Variants in CSGALNACT1 observed in about 807,000 individuals in gnomAD.
CSGALNACT1 encodes the protein chondroitin sulfate N-acetylgalactosaminyltransferase 1, also known as beta4GalNAcT-1.
A neutral mutation model predicts 51.0 loss-of-function variants in CSGALNACT1; 52 were observed. The observed-to-expected ratio is 1.02, with a 90% CI of 0.82 to 1.29. The LOEUF (loss-of-function observed/expected upper bound fraction) is 1.29. Among genes scored for constraint, CSGALNACT1 ranks in the 50% most tolerant of loss-of-function variants. CSGALNACT1 has a pLI of 0.00. For missense variants in CSGALNACT1, 935 were observed against 679.2 expected (o/e 1.38, Z -4.19); for synonymous variants, 341 against 254.4 (o/e 1.34, Z -3.24).
chr8:19,573,645 T>C (rs1799491226), intron 3 of CSGALNACT1, among the ~76,000 whole-genome samples: 1 of 152,174 alleles, frequency 6.6e-6, no homozygotes, highest in Admixed American at 6.5e-5. Flanking sequence ...GGTTTCACCA[T>C]GTTGGCCAGG....
intron 3 of CSGALNACT1, 95 bp from the exon 3 acceptor site, chr8:19,506,225 A>T: frequency 2.4e-6 from 1 of 413,132 alleles, no homozygotes; most frequent in Non-Finnish European, 4.7e-6. Flanking sequence ...CTCCTGTGAG[A>T]GTTATGGCAA....
intron 1 of CSGALNACT1, among the ~76,000 whole-genome samples, chr8:19,641,631 C>T (rs891689701): frequency 2.0e-5 from 3 of 152,026 alleles, no homozygotes; most frequent in East Asian, 3.8e-4. Flanking sequence ...TATTGAAATA[C>T]GAGGGTGAAA....
chr8:19,462,936 AG>A (rs2065870057), intron 4 of CSGALNACT1, among the ~76,000 whole-genome samples: 1 of 152,192 alleles, frequency 6.6e-6, no homozygotes, highest in Non-Finnish European at 1.5e-5. Context: ...CATAGAGCAT[AG>A]TACCCAATAG....
At chr8:19,407,360 G>A (rs1306652867) in intron 9 of CSGALNACT1, among the ~76,000 whole-genome samples, 2 of 152,112 alleles carry the variant, frequency 1.3e-5, no homozygotes, top group Non-Finnish European at 2.9e-5. Context: ...AGCGAGACCA[G>A]CAGCTCGTGG....
At chr8:19,482,641 C>T (rs2071741035) in intron 4 of CSGALNACT1, among the ~76,000 whole-genome samples, 2 of 152,232 alleles carry the variant, frequency 1.3e-5, no homozygotes, top group South Asian at 4.1e-4. Flanking sequence ...TTATAATTTC[C>T]ATCACGGGTG....
At chr8:19,601,917 A>G (rs2050512557) in intron 1 of CSGALNACT1, 52 bp from the exon 2 acceptor site, 1 of 453,356 alleles carries the variant, frequency 2.2e-6, no homozygotes, top group Non-Finnish European at 4.4e-6. Context: ...CATGTCTTAA[A>G]TGTATGTGGT....
intron 3 of CSGALNACT1, chr8:19,588,112 G>C (rs146995207): frequency 1.3e-5 from 2 of 152,014 alleles, no homozygotes; most frequent in Non-Finnish European, 2.9e-5. Flanking sequence ...AATTGCTTCA[G>C]TATGGGGTGG....
intron 1 of CSGALNACT1, among the ~76,000 whole-genome samples, chr8:19,732,021 ATG>A (rs1188457349): frequency 6.6e-6 from 1 of 152,228 alleles, no homozygotes; most frequent in Non-Finnish European, 1.5e-5. Context: ...ATTTCTAAAA[ATG>A]TGTCATTGGC....
At chr8:19,566,925 T>C (rs896557001) in intron 3 of CSGALNACT1, among the ~76,000 whole-genome samples, 3 of 152,114 alleles carry the variant, frequency 2.0e-5, no homozygotes, top group African/African-American at 7.2e-5. Flanking sequence ...GCCCTTGCCA[T>C]GAGAAAGCCA....
chr8:19,720,961 G>A (rs73202517), intron 1 of CSGALNACT1, among the ~76,000 whole-genome samples: 6,265 of 152,288 alleles, frequency 0.041, 216 homozygotes, highest in Admixed American at 0.099. Flanking sequence ...TCCTATAGGA[G>A]CTGCACAGCC....
intron 4 of CSGALNACT1, among the ~76,000 whole-genome samples, chr8:19,498,728 A>T (rs2075907012): frequency 6.6e-6 from 1 of 152,204 alleles, no homozygotes; most frequent in Non-Finnish European, 1.5e-5. Context: ...AAGTTCCTTC[A>T]TCTTTGACCT....
intron 1 of CSGALNACT1, among the ~76,000 whole-genome samples, chr8:19,702,979 C>T (rs1469715303): frequency 6.6e-6 from 1 of 152,062 alleles, no homozygotes; most frequent in African/African-American, 2.4e-5. Flanking sequence ...GGGTTCACTT[C>T]CCTTTATATC....
At position 19,742,344 on chromosome 8, in the gene CSGALNACT1, C is replaced by T. The variant is rs569906482; in HGVS notation, c.-297+15506G>A. ...CGTATAAACTGAATATTCAAGTTGC[C>T]GTGACAGTTACCTACAAAGGTAAAT... On this transcript the variant is annotated intron_variant, in intron 1 of 1. Transcript: ENST00000517494. Among the ~76,000 whole-genome samples, 39 of 152,322 alleles carry T rather than the reference C, an allele frequency of 2.6e-4. No homozygotes were observed. The South Asian group carries it at 3.7e-3, about 15-fold the overall frequency.
At chr8:19,700,348 T>C (rs1342384824) in intron 1 of CSGALNACT1, among the ~76,000 whole-genome samples, 1 of 152,142 alleles carries the variant, frequency 6.6e-6, no homozygotes, top group African/African-American at 2.4e-5. Context: ...CATTATAATG[T>C]GTTGCCATGG....
chr8:19,532,911 T>C (rs2083051597), intron 3 of CSGALNACT1, among the ~76,000 whole-genome samples: 2 of 152,206 alleles, frequency 1.3e-5, no homozygotes, highest in Admixed American at 6.5e-5. Context: ...CTCAGTATTT[T>C]CCAACTGCCA....
At chr8:19,562,479 G>T (rs1413314184) in intron 3 of CSGALNACT1, among the ~76,000 whole-genome samples, 8 of 139,888 alleles carry the variant, frequency 5.7e-5, no homozygotes, top group Non-Finnish European at 1.1e-4. Context: ...AACAGCTTCT[G>T]CACAGAAAAA....
chr8:19,718,885 C>T (rs866969331), intron 1 of CSGALNACT1, among the ~76,000 whole-genome samples: 1 of 152,172 alleles, frequency 6.6e-6, no homozygotes, highest in African/African-American at 2.4e-5. Flanking sequence ...TTCCTGTAAC[C>T]CAAATTCCCC....
chr8:19,454,173 A>C (rs2063672775), intron 5 of CSGALNACT1, among the ~76,000 whole-genome samples: 1 of 151,770 alleles, frequency 6.6e-6, no homozygotes, highest in South Asian at 2.1e-4. Context: ...CCACGATGAC[A>C]ACAAGTATAT....
intron 1 of CSGALNACT1, among the ~76,000 whole-genome samples, chr8:19,709,310 G>A (rs1373462376): frequency 6.6e-6 from 1 of 152,202 alleles, no homozygotes; most frequent in Non-Finnish European, 1.5e-5. Context: ...TACGTTATAT[G>A]TATATATTAT....
Sources: allele counts gnomAD v4.1 joint callset (sites outside exome capture counted in the v4.1 genomes callset), GRCh38; gene constraint gnomAD v4.1.1; transcripts MANE v1.5; gene names NCBI Gene and HGNC (gene_info 2026-07-23, HGNC 2026-07-21).